Variants in QTGAL observed in about 807,000 individuals in gnomAD.
QTGAL encodes BGnT-like protein 1.
the QTGAL span, chr17:83,007,381 A>C: frequency 1.6e-6 from 1 of 613,412 alleles, no homozygotes; most frequent in Non-Finnish European, 2.0e-6. Flanking sequence ...CCTACGTACA[A>C]TTGCATCTGT....
At chr17:83,047,939 G>A in the QTGAL span, among the ~76,000 whole-genome samples, 3 of 151,988 alleles carry the variant, frequency 2.0e-5, no homozygotes, top group Non-Finnish European at 2.9e-5. Context: ...GTCTACTAAG[G>A]TTCTTTCTTT....
chr17:82,979,406 A>C, the QTGAL span: 1 of 152,248 alleles, frequency 6.6e-6, no homozygotes, highest in African/African-American at 2.4e-5. Context: ...CAGAGCTGTA[A>C]GTTGCATTAT....
chr17:82,962,593 G>A, the QTGAL span, among the ~76,000 whole-genome samples: 2,612 of 46,474 alleles, frequency 0.056, 50 homozygotes, highest in African/African-American at 0.072. Flanking sequence ...GTGCTGGTGG[G>A]CACGGACCCT....
chr17:82,993,415 G>A, the QTGAL span, among the ~76,000 whole-genome samples: 1 of 152,056 alleles, frequency 6.6e-6, no homozygotes, highest in East Asian at 1.9e-4. Flanking sequence ...GTCAACTCAA[G>A]AGAATATAAC....
chr17:82,981,646 C>G, the QTGAL span: 1 of 152,254 alleles, frequency 6.6e-6, no homozygotes, highest in African/African-American at 2.4e-5. Context: ...GTAACTGCTG[C>G]TAACTGGAGC....
the QTGAL span, among the ~76,000 whole-genome samples, chr17:83,034,120 AG>A: frequency 1.3e-5 from 2 of 152,102 alleles, no homozygotes; most frequent in Admixed American, 1.3e-4. Context: ...TCGTATTTTT[AG>A]TAGAGACAGG....
chr17:83,009,716 G>A, the QTGAL span, among the ~76,000 whole-genome samples: 381 of 152,250 alleles, frequency 2.5e-3, no homozygotes, highest in Non-Finnish European at 4.4e-3. Flanking sequence ...GCATGGTGCT[G>A]GGTGCGAGGG....
chr17:82,958,739 C>T, the QTGAL span, among the ~76,000 whole-genome samples: 4 of 151,240 alleles, frequency 2.6e-5, no homozygotes, highest in Non-Finnish European at 2.9e-5. Flanking sequence ...AGTCCGGACC[C>T]CACCTGGGAC....
At chr17:82,954,217 G>T in the QTGAL span, among the ~76,000 whole-genome samples, 4 of 152,184 alleles carry the variant, frequency 2.6e-5, no homozygotes, top group Non-Finnish European at 5.9e-5. Flanking sequence ...TCTGTTTGCA[G>T]ATGACATGAT....
the QTGAL span, among the ~76,000 whole-genome samples, chr17:82,998,822 T>A: frequency 4.6e-5 from 7 of 152,170 alleles, no homozygotes; most frequent in East Asian, 1.3e-3. Flanking sequence ...GGGCAAAGGA[T>A]GTGAACAGAC....
chr17:82,953,180 C>G, the QTGAL span, among the ~76,000 whole-genome samples: 1 of 151,724 alleles, frequency 6.6e-6, no homozygotes, highest in African/African-American at 2.4e-5. Flanking sequence ...AAAAGACAAG[C>G]AAGATCAGAG....
At chr17:82,956,651 C>G in the QTGAL span, 1 of 1,502,074 alleles carries the variant, frequency 6.7e-7, no homozygotes, top group Non-Finnish European at 9.0e-7. The surrounding 1 kb of genome is among the most constrained non-coding windows in gnomAD (Gnocchi z 5.7). Flanking sequence ...GTGGCAGAGC[C>G]CGGGATCCCC....
At chr17:82,960,817 A>G in the QTGAL span, among the ~76,000 whole-genome samples, 4 of 152,236 alleles carry the variant, frequency 2.6e-5, no homozygotes, top group Non-Finnish European at 5.9e-5. Flanking sequence ...GAACTAGGGA[A>G]GGACGTTCGG....
At chr17:82,956,668 T>C in the QTGAL span, 11 of 1,533,358 alleles carry the variant, frequency 7.2e-6, 1 homozygote, top group South Asian at 1.4e-4. This position sits in a 1 kb window ranked among gnomAD's most constrained non-coding sequence, Gnocchi z 5.7. Flanking sequence ...CCCCAAGCCC[T>C]TCCACGGCCA....
chr17:83,001,968 C>G, the QTGAL span, among the ~76,000 whole-genome samples: 1 of 151,858 alleles, frequency 6.6e-6, no homozygotes, highest in Non-Finnish European at 1.5e-5. Context: ...CACTATATTG[C>G]GCAGACTGGT....
the QTGAL span, among the ~76,000 whole-genome samples, chr17:82,961,782 C>A: frequency 6.6e-6 from 1 of 152,254 alleles, no homozygotes; most frequent in Non-Finnish European, 1.5e-5. Context: ...CAGTGGGACT[C>A]TGCTCCAGAA....
chr17:82,950,550 C>T, the QTGAL span, among the ~76,000 whole-genome samples: 35 of 152,162 alleles, frequency 2.3e-4, no homozygotes, highest in Non-Finnish European at 3.7e-4. Flanking sequence ...TAAATGTCCC[C>T]GGTAACTTGG....
At chr17:82,965,038 G>A in the QTGAL span, among the ~76,000 whole-genome samples, 1 of 148,144 alleles carries the variant, frequency 6.8e-6, no homozygotes, top group Admixed American at 6.7e-5. Context: ...CACACCCACA[G>A]GGAGGACGGG....
chr17:82,958,409 G>T, the QTGAL span, among the ~76,000 whole-genome samples: 1 of 152,192 alleles, frequency 6.6e-6, no homozygotes, highest in Non-Finnish European at 1.5e-5. Flanking sequence ...GTGGGGTCTG[G>T]GCCAGACACA....
Sources: allele counts gnomAD v4.1 joint callset (sites outside exome capture counted in the v4.1 genomes callset), GRCh38; gene constraint gnomAD v4.1.1; non-coding constraint Gnocchi (gnomAD v3.1); transcripts MANE v1.5; gene names NCBI Gene and HGNC (gene_info 2026-07-23, HGNC 2026-07-21).